The following RIF1 variants were observed in gnomAD, a reference collection of about 807,000 sequenced individuals.
RIF1 encodes replication timing regulatory factor 1.
Under a neutral mutation model 247.1 loss-of-function variants are expected in RIF1, and 45 were observed. The ratio of observed to expected loss-of-function variants is 0.18; its 90% CI spans 0.14 to 0.23. The LOEUF (loss-of-function observed/expected upper bound fraction) is 0.23, where lower values mean the gene tolerates loss of function less well. RIF1 is among the 10% of genes least tolerant of loss of function. RIF1 has a pLI of 1.00. For synonymous variants in RIF1, 1,087 were observed against 978.8 expected (o/e 1.11, Z -2.06); for missense variants, 2,967 against 2,862.5 (o/e 1.04, Z -0.83).
At chr2:151,508,020 T>C, downstream of RIF1, 1 of 1,608,210 alleles carries the variant, frequency 6.2e-7, no homozygotes, top group Middle Eastern at 1.7e-4. Flanking sequence ...TGAAGTTCTT[T>C]TGGTTCTCCC....
chr2:151,442,018 A>C, intron 16 of RIF1, 27 bp downstream of exon 16: 1 of 804,644 alleles, frequency 1.2e-6, no homozygotes, highest in Admixed American at 2.8e-5. Flanking sequence ...TAATATGATG[A>C]AGATTGGCCA....
downstream of RIF1, among the ~76,000 whole-genome samples, chr2:151,485,160 G>A (rs972338159): frequency 6.6e-6 from 1 of 152,206 alleles, no homozygotes; most frequent in East Asian, 1.9e-4. Context: ...AACTGTAATA[G>A]AAGCTTGCTG....
At position 151,464,576 on chromosome 2, in the gene RIF1, C is replaced by G. The variant is rs3732305; in HGVS notation, c.5056C>G (p.Arg1686Gly). 1.7e-3 allele frequency: 2,673 copies of G among 1,613,258 alleles called. 41 individuals are homozygous for G. In the East Asian group the frequency reaches 0.033, roughly 20 times the overall value. ...AAATGCCATTAAGAGATTACATAAG[C>G]GAGACTCTTTTGATAATTGTAGTTT... ...TRNAIKRLHK[R>G]DSFDNCSLGE... The change falls in exon 30 of 36, where the codon CGA becomes GGA. Residue 1686 changes from arginine (R) to glycine (G), a missense_variant. By Grantham distance (125) the Arg-to-Gly change is moderately radical. Coordinates refer to ENST00000444746, the MANE Select transcript of RIF1 (RefSeq NM_018151.5).
chr2:151,483,293 G>A (rs2049239163), downstream of RIF1: 1 of 152,056 alleles, frequency 6.6e-6, no homozygotes, highest in Non-Finnish European at 1.5e-5. Flanking sequence ...CAAGCAGATG[G>A]CAGGAAGATT....
intron 13 of RIF1, among the ~76,000 whole-genome samples, chr2:151,438,272 T>G (rs961725334): frequency 6.6e-6 from 1 of 152,060 alleles, no homozygotes; most frequent in African/African-American, 2.4e-5. Context: ...TTGAGGCAGA[T>G]GTTTGTGACC....
At chr2:151,506,732 A>C (rs779543479) in intron 13 of RIF1, among the ~76,000 whole-genome samples, 1 of 152,114 alleles carries the variant, frequency 6.6e-6, no homozygotes, top group Non-Finnish European at 1.5e-5. Context: ...AAGTTATTTC[A>C]AATGGTCTCT....
At chr2:151,461,643 C>T (rs1446231707) in intron 27 of RIF1, among the ~76,000 whole-genome samples, 1 of 152,076 alleles carries the variant, frequency 6.6e-6, no homozygotes. Flanking sequence ...CTGCCCACCT[C>T]GGCCTCCCAA....
intron 10 of RIF1, chr2:151,497,974 GCCTCCTAAAC>G: frequency 7.0e-7 from 1 of 1,435,786 alleles, no homozygotes; most frequent in Non-Finnish European, 9.1e-7. Context: ...TGAGTACGGT[GCCTCCTAAAC>G]AATCACATGA....
At position 151,465,887 on chromosome 2, in the gene RIF1, C is replaced by CCAT. The variant is rs756223859; in HGVS notation, c.6370_6372dup (p.Ser2124dup). On this transcript the variant is annotated inframe_insertion, in exon 30 of 36. Transcript: ENST00000444746. Reference sequence around the variant, plus strand: ...CCATACTTCACAGAAAGTGGAGGAACCATCACAGTGTCTGGCATCTGGAAC... The same window carrying CCAT: ...CCATACTTCACAGAAAGTGGAGGAACCATCATCACAGTGTCTGGCATCTGGAAC... 3 of 1,613,768 alleles carry CCAT rather than the reference C, an allele frequency of 1.9e-6. No homozygotes were observed. The Admixed American group carries it at 5.0e-5, about 27-fold the overall frequency.
chr2:151,496,260 T>G lies in RIF1; in HGVS notation c.*513+934T>G. Reference sequence around the variant, plus strand: ...TTAAAATCAGTAAGTAGTTTTTTTCTTTTCTCGCCAAGTACCGAGCTAATA... The same window carrying G: ...TTAAAATCAGTAAGTAGTTTTTTTCGTTTCTCGCCAAGTACCGAGCTAATA... On this transcript the variant is annotated intron_variant and NMD_transcript_variant, in intron 10 of 13. Transcript: ENST00000454583. 6.3e-7 allele frequency: 1 copy of G among 1,582,146 alleles called. No individual in the cohort carries two copies. Among genetic ancestry groups the G allele is most frequent in the Non-Finnish European group, 8.6e-7 (1 of 1,156,916 alleles).
At chr2:151,502,820 G>T in intron 11 of RIF1, 1 of 1,604,878 alleles carries the variant, frequency 6.2e-7, no homozygotes, top group Non-Finnish European at 8.5e-7. Context: ...GATTGCGTTT[G>T]ACTCTCTCCA....
downstream of RIF1, among the ~76,000 whole-genome samples, chr2:151,509,474 C>G (rs776991186): frequency 5.9e-5 from 9 of 152,154 alleles, no homozygotes; most frequent in Non-Finnish European, 1.2e-4. Flanking sequence ...GAGGGATAAT[C>G]ACATTTGCAC....
intron 9 of RIF1, among the ~76,000 whole-genome samples, chr2:151,431,619 C>T: frequency 6.6e-6 from 1 of 152,138 alleles, no homozygotes; most frequent in South Asian, 2.1e-4. Context: ...GAAACCCCAT[C>T]TTTACTAAAA....
downstream of RIF1, among the ~76,000 whole-genome samples, chr2:151,484,496 T>C (rs1480194196): frequency 6.6e-6 from 1 of 152,232 alleles, no homozygotes; most frequent in Non-Finnish European, 1.5e-5. Flanking sequence ...CTCAGGAGGC[T>C]GAGACACAAG....
At chr2:151,496,540 T>TG (rs916212494) in intron 10 of RIF1, among the ~76,000 whole-genome samples, 1 of 152,182 alleles carries the variant, frequency 6.6e-6, no homozygotes, top group African/African-American at 2.4e-5. Flanking sequence ...GTTGTTGGGA[T>TG]GGGGAATCTG....
chr2:151,445,070 T>C (rs1693014102), intron 18 of RIF1, among the ~76,000 whole-genome samples: 1 of 152,220 alleles, frequency 6.6e-6, no homozygotes, highest in African/African-American at 2.4e-5. Context: ...TTGTTGTCTG[T>C]GCCTATCCAA....
chr2:151,463,038 GA>G lies in RIF1; in HGVS notation c.3525del (p.Ala1176LeufsTer2). The G allele has an allele frequency of 6.2e-7, 1 of 1,613,172 alleles. No individual in the cohort carries two copies. Among genetic ancestry groups the G allele is most frequent in the Non-Finnish European group, 8.5e-7 (1 of 1,179,672 alleles). On this transcript the variant is annotated frameshift_variant, in exon 30 of 36. Transcript: ENST00000444746. LOFTEE classifies it high-confidence loss of function. The stretch of plus-strand genomic sequence containing the variant: ...ATGTCAAACAGTAATAATGATGAAA[GA>G]AAAAAAGCTTTAATTTCATCAAGGA... ...PEMSNSNNDE[R>X]KKALISSRKT... is the part of the protein sequence containing the mutation.
At chr2:151,420,779 T>C (rs79683789) in intron 7 of RIF1, among the ~76,000 whole-genome samples, 4,364 of 151,456 alleles carry the variant, frequency 0.029, 231 homozygotes, top group African/African-American at 0.1. Context: ...ATTGGTATAG[T>C]TGCACTATGA....
chr2:151,421,977 ACCT>A (rs1688254118), intron 7 of RIF1, among the ~76,000 whole-genome samples: 1 of 151,756 alleles, frequency 6.6e-6, no homozygotes, highest in Non-Finnish European at 1.5e-5. Context: ...GATTACAGGC[ACCT>A]GCAACCATGC....
Sources: allele counts gnomAD v4.1 joint callset (sites outside exome capture counted in the v4.1 genomes callset), GRCh38; gene constraint gnomAD v4.1.1; transcripts MANE v1.5; gene names NCBI Gene and HGNC (gene_info 2026-07-23, HGNC 2026-07-21).